Variants in DCHS2 observed in about 807,000 individuals in gnomAD.
The protein encoded by DCHS2 is dachsous cadherin-related 2.
Under a neutral mutation model 182.4 loss-of-function variants are expected in DCHS2, and 142 were observed. That is an observed-to-expected ratio of 0.78 (90% confidence interval 0.68 to 0.89). DCHS2 has a LOEUF of 0.89. Among genes scored for constraint, DCHS2 ranks in the 40% least tolerant of loss-of-function variants. DCHS2 has a pLI of 0.00. For synonymous variants in DCHS2, 1,740 were observed against 1,663.3 expected (o/e 1.05, Z -1.12); for missense variants, 4,319 against 4,198.6 (o/e 1.03, Z -0.79).
intron 16 of DCHS2, among the ~76,000 whole-genome samples, chr4:154,246,513 A>G (rs2111121548): frequency 6.6e-6 from 1 of 152,310 alleles, no homozygotes; most frequent in African/African-American, 2.4e-5. Flanking sequence ...ATATCTAAGA[A>G]TCAACACTTA....
At chr4:154,327,143 T>C (rs894993011) in intron 7 of DCHS2, among the ~76,000 whole-genome samples, 7 of 152,158 alleles carry the variant, frequency 4.6e-5, no homozygotes, top group African/African-American at 1.7e-4. Flanking sequence ...ATCTGTGTTG[T>C]TTTGAAGTTT....
rs67157369 is a variant in DCHS2, at chr4:154,247,635, C to CAAAA, written c.6942-4867_6942-4864dup. 3.0e-4 allele frequency among the ~76,000 whole-genome samples: 30 copies of CAAAA among 100,114 alleles called. 1 individual carries two copies. The highest frequency in any genetic ancestry group is 1.2e-3 in the African/African-American group (30 of 24,720). 65.7% of individuals were successfully genotyped at this position (100,114 alleles called of 152,430 possible). On this transcript the variant is annotated intron_variant, in intron 16 of 19. Transcript: ENST00000357232. ...CTGGGTGAAGAGCAAGACTCCGTCTCAAAAAAAAAAAAAAAAAAAAAAAAA... is the reference window on the plus strand; with the variant it reads ...CTGGGTGAAGAGCAAGACTCCGTCTCAAAAAAAAAAAAAAAAAAAAAAAAAAAAA...
chr4:154,377,794 C>T (rs1387122087), intron 1 of DCHS2, among the ~76,000 whole-genome samples: 1 of 152,124 alleles, frequency 6.6e-6, no homozygotes, highest in Non-Finnish European at 1.5e-5. Flanking sequence ...TTTAAGAATA[C>T]CCATAGGATT....
rs1560789932 is a variant in DCHS2, at chr4:154,490,267, G to GC, written c.1088dup (p.Val364ArgfsTer30). 2 of 1,548,938 alleles carry GC rather than the reference G, an allele frequency of 1.3e-6. No homozygotes were observed. Among genetic ancestry groups the GC allele is most frequent in the Non-Finnish European group, 8.7e-7 (1 of 1,146,746 alleles). ...CCAGAGGTCTCCACACTCGCACCAC[G>GC]CCGCTCAGCTCCTCCACCGCGAAGT... On this transcript the variant is annotated frameshift_variant, in exon 1 of 20. Coordinates refer to ENST00000357232, the MANE Select transcript of DCHS2 (RefSeq NM_001358235.2). LOFTEE classifies it high-confidence loss of function.
intron 1 of DCHS2, among the ~76,000 whole-genome samples, chr4:154,427,718 G>T (rs1272065734): frequency 6.6e-6 from 1 of 152,198 alleles, no homozygotes; most frequent in Non-Finnish European, 1.5e-5. Context: ...AGGTGATAGT[G>T]TCCTGATGAG....
chr4:154,308,283 A>G (rs1735530951), intron 10 of DCHS2, among the ~76,000 whole-genome samples: 1 of 152,028 alleles, frequency 6.6e-6, no homozygotes, highest in Non-Finnish European at 1.5e-5. Context: ...CAAAGAAACA[A>G]AAGAAGGGAG....
chr4:154,293,946 C>T (rs1159861962), intron 13 of DCHS2, among the ~76,000 whole-genome samples: 1 of 152,132 alleles, frequency 6.6e-6, no homozygotes, highest in Non-Finnish European at 1.5e-5. Flanking sequence ...CTCCCCGACC[C>T]TTCCCTCTTA....
At chr4:154,479,339 A>G (rs1469305649) in intron 1 of DCHS2, among the ~76,000 whole-genome samples, 1 of 152,122 alleles carries the variant, frequency 6.6e-6, no homozygotes, top group Non-Finnish European at 1.5e-5. Flanking sequence ...GGTCTAACAT[A>G]TGTATATTTG....
intron 10 of DCHS2, among the ~76,000 whole-genome samples, chr4:154,306,553 A>G (rs949122410): frequency 6.6e-6 from 1 of 152,102 alleles, no homozygotes; most frequent in Non-Finnish European, 1.5e-5. Flanking sequence ...CTCAAAAAAA[A>G]GAGAGAAATA....
chr4:154,279,773 A>G (rs1405826541), intron 13 of DCHS2, among the ~76,000 whole-genome samples: 1 of 152,066 alleles, frequency 6.6e-6, no homozygotes, highest in Non-Finnish European at 1.5e-5. Context: ...TACATTAAAA[A>G]AGAAGAAAGA....
At chr4:154,449,615 C>T (rs1039345285) in intron 1 of DCHS2, among the ~76,000 whole-genome samples, 3 of 152,160 alleles carry the variant, frequency 2.0e-5, no homozygotes, top group African/African-American at 7.2e-5. Flanking sequence ...TCGAGCAATA[C>T]TCTTGCCTCG....
rs760230919 is a variant in DCHS2 at position 154,332,495 on chromosome 4, T to C, written c.3713A>G (p.Lys1238Arg). The change falls in exon 5 of 20, where the codon AAG becomes AGG. Residue 1238 changes from lysine (K) to arginine (R), a missense_variant. By Grantham distance (26) the Lys-to-Arg change is conservative. Transcript: ENST00000357232. ...YFLLSDGKFF[K>R]MNPNTGELIN... ...AGTGCTACCTGTATTAGGATTCATC[T>C]TGAAGAATTTTCCATCAGACAAAAG... 49 of 1,612,740 alleles carry C rather than the reference T, an allele frequency of 3.0e-5. No individual in the cohort carries two copies. Among genetic ancestry groups the C allele is most frequent in the African/African-American group, 9.3e-5 (7 of 74,872 alleles).
At chr4:154,366,876 C>T (rs1267681235) in intron 2 of DCHS2, among the ~76,000 whole-genome samples, 1 of 152,100 alleles carries the variant, frequency 6.6e-6, no homozygotes, top group African/African-American at 2.4e-5. Context: ...TCACTTTTAT[C>T]CCTAAGATAA....
intron 5 of DCHS2, 82 bp downstream of exon 5, chr4:154,332,396 T>A (rs1481546372): frequency 1.3e-5 from 17 of 1,273,880 alleles, no homozygotes; most frequent in Admixed American, 2.4e-5. Flanking sequence ...TTTAATTTTT[T>A]ATTTTTATTT....
At chr4:154,472,470 TA>T (rs1735510670) in intron 1 of DCHS2, among the ~76,000 whole-genome samples, 2 of 152,194 alleles carry the variant, frequency 1.3e-5, no homozygotes, top group African/African-American at 4.8e-5. Flanking sequence ...TGGGATATTT[TA>T]AGCCATTTTT....
intron 1 of DCHS2, among the ~76,000 whole-genome samples, chr4:154,487,093 A>C (rs1024575153): frequency 6.6e-6 from 1 of 152,208 alleles, no homozygotes; most frequent in Non-Finnish European, 1.5e-5. Context: ...AATCATAATT[A>C]ATCCACCCTG....
At chr4:154,402,950 T>C (rs1477902549) in intron 1 of DCHS2, among the ~76,000 whole-genome samples, 2 of 152,318 alleles carry the variant, frequency 1.3e-5, no homozygotes, top group Non-Finnish European at 2.9e-5. Context: ...ATTTAACAAC[T>C]CAATTTTTAA....
intron 16 of DCHS2, among the ~76,000 whole-genome samples, chr4:154,248,790 C>G (rs1439755206): frequency 2.0e-5 from 3 of 152,106 alleles, no homozygotes; most frequent in Non-Finnish European, 4.4e-5. Flanking sequence ...CACACACGTA[C>G]AACCATTCAA....
chr4:154,287,791 G>A (rs557619948), intron 13 of DCHS2, among the ~76,000 whole-genome samples: 1 of 152,164 alleles, frequency 6.6e-6, no homozygotes, highest in South Asian at 2.1e-4. Context: ...CTAAAGTGTA[G>A]TCTTTATTAG....
Sources: allele counts gnomAD v4.1 joint callset (sites outside exome capture counted in the v4.1 genomes callset), GRCh38; gene constraint gnomAD v4.1.1; transcripts MANE v1.5; gene names NCBI Gene and HGNC (gene_info 2026-07-23, HGNC 2026-07-21).